ATG16L2: variants seen among roughly 807,000 people sequenced by gnomAD.
ATG16L2 encodes the protein protein Atg16l2.
A neutral mutation model predicts 84.7 loss-of-function variants in ATG16L2; 77 were observed. That is an observed-to-expected ratio of 0.91 (90% CI 0.76 to 1.10). The LOEUF (loss-of-function observed/expected upper bound fraction) is 1.10, where lower values mean the gene tolerates loss of function less well. Ranked by LOEUF, ATG16L2 falls within the 50% of genes least tolerant of loss-of-function variation. ATG16L2 has a pLI of 0.00. For missense variants in ATG16L2, 782 were observed against 817.6 expected (o/e 0.96, Z 0.53); for synonymous variants, 361 against 342.8 (o/e 1.05, Z -0.59).
chr11:72,829,585 ATC>A lies in ATG16L2; in HGVS notation c.*199_*200del. 1.7e-6 allele frequency: 2 copies of A among 1,192,502 alleles called. No homozygotes were observed. The highest frequency in any genetic ancestry group is 2.1e-6 in the Non-Finnish European group (2 of 932,138). The allele number at this position is 1,192,502 out of a possible 1,614,324, so 73.9% of individuals were successfully genotyped here. On this transcript the variant is annotated 3_prime_UTR_variant, in exon 18 of 18. Transcript: ENST00000321297. Reference sequence around the variant, plus strand: ...TACGCTAGTTTTTCTTTGTATTTTTATCTCTATCTCCTCACTTTTTCTCCCAA... The same window carrying A: ...TACGCTAGTTTTTCTTTGTATTTTTATCTATCTCCTCACTTTTTCTCCCAA...
chr11:72,819,529 G>A (rs1859860128), intron 3 of ATG16L2, among the ~76,000 whole-genome samples: 1 of 152,208 alleles, frequency 6.6e-6, no homozygotes, highest in South Asian at 2.1e-4. Context: ...CTGTCCCCAT[G>A]GTTAGTGCGC....
rs998640401 is a variant in ATG16L2 at position 72,829,453 on chromosome 11, A to G, written c.*63A>G. ...GAAGCCTGAAGCTTCCTTCGGCGCC[A>G]TGCAGGGGTTGGGGTTGGGACTGGA... On this transcript the variant is annotated 3_prime_UTR_variant, in exon 18 of 18. Coordinates refer to ENST00000321297, the MANE Select transcript of ATG16L2 (RefSeq NM_033388.2). The G allele has an allele frequency of 3.8e-6, 6 of 1,573,040 alleles. No individual in the cohort carries two copies. The South Asian group carries it at 5.7e-5, about 15-fold the overall frequency.
chr11:72,815,929 A>G (rs563103397), intron 1 of ATG16L2: 51 of 152,304 alleles, frequency 3.3e-4, no homozygotes, highest in African/African-American at 1.2e-3. Flanking sequence ...AGGACTTTCT[A>G]TTCTGGCCTG....
At chr11:72,829,078 C>T in intron 17 of ATG16L2, 94 bp downstream of exon 17, 1 of 1,329,590 alleles carries the variant, frequency 7.5e-7, no homozygotes, top group Non-Finnish European at 1.1e-6. Flanking sequence ...GTCCCCAGCC[C>T]TTGTCCCTCC....
At chr11:72,819,357 A>C (rs915084812) in intron 3 of ATG16L2, among the ~76,000 whole-genome samples, 10 of 152,118 alleles carry the variant, frequency 6.6e-5, no homozygotes, top group Non-Finnish European at 1.3e-4. Context: ...ACACTCCTTT[A>C]GCACTCCCTG....
chr11:72,837,084 T>C (rs1346981466), intron 5 of ATG16L2: 2 of 152,244 alleles, frequency 1.3e-5, no homozygotes, highest in Non-Finnish European at 1.5e-5. Context: ...AGAACTGCTC[T>C]ATTTAATAAG....
In ATG16L2 at chr11:72,822,681, T is replaced by A; in HGVS notation, c.710+138T>A. 8.3e-7 allele frequency: 1 copy of A among 1,203,266 alleles called. No individual in the cohort carries two copies. The highest frequency in any genetic ancestry group is 1.2e-6 in the Non-Finnish European group (1 of 856,236). 74.5% of individuals were successfully genotyped at this position (1,203,266 alleles called of 1,614,324 possible). ...ATGTGGTCGGAGCCCACGAGACACC[T>A]GCAGAGGACCGTGTGGTCGTAGGAG... On this transcript the variant is annotated intron_variant, in intron 6 of 17. Coordinates refer to ENST00000321297, the MANE Select transcript of ATG16L2 (RefSeq NM_033388.2). The surrounding 1 kb of genome is among the most constrained non-coding windows in gnomAD (Gnocchi z 4.2).
In ATG16L2 at chr11:72,814,539, C is replaced by A. The variant is rs753716870; in HGVS notation, c.94C>A (p.Leu32Ile). The A allele has an allele frequency of 6.3e-7, 1 of 1,577,992 alleles. No individual in the cohort carries two copies. The highest frequency in any genetic ancestry group is 1.2e-5 in the South Asian group (1 of 86,518). ...LRLRDRTQKA[L>I]FLELVPAYNH... ...GCTTCGGGACCGTACGCAAAAGGCG[C>A]TTTTCCTGGAGCTGGTGCCGGCCTG... Residue 32 changes from leucine to isoleucine, a missense_variant, in exon 1 of 18, where the codon CTT becomes ATT. Leu to Ile is a conservative substitution (Grantham distance 5). Transcript: ENST00000321297.
At chr11:72,840,871 A>G (rs1860905297) in intron 5 of ATG16L2, 1 of 1,588,278 alleles carries the variant, frequency 6.3e-7, no homozygotes, top group Non-Finnish European at 8.6e-7. Context: ...AAGATCAGAG[A>G]CTTACAGGTC....
In ATG16L2 at chr11:72,816,826, T is replaced by G. The variant is rs762673462; in HGVS notation, c.217T>G (p.Trp73Gly). The stretch of plus-strand genomic sequence containing the variant: ...CACTCCCACCACCCACCAGGGCCCC[T>G]GGTAAGTGTATGTGGGTCCGTGGTC... ...SVTPTTHQGP[W>G]EESELDSDQV... The change falls in exon 2 of 18, where the codon TGG becomes GGG. Residue 73 changes from tryptophan (W) to glycine (G), a missense_variant and splice_region_variant. Physicochemically the swap from Trp to Gly is radical, Grantham distance 184 (BLOSUM62 -2). Coordinates refer to ENST00000321297, the MANE Select transcript of ATG16L2 (RefSeq NM_033388.2). The G allele has an allele frequency of 6.2e-7, 1 of 1,613,608 alleles. No homozygotes were observed. Among genetic ancestry groups the G allele is most frequent in the Non-Finnish European group, 8.5e-7 (1 of 1,179,536 alleles).
chr11:72,824,889 G>A, intron 9 of ATG16L2, 47 bp downstream of exon 9: 2 of 1,491,916 alleles, frequency 1.3e-6, no homozygotes, highest in Middle Eastern at 1.8e-4. Flanking sequence ...GTGAGAGAGT[G>A]CAGGCACAGG....
In ATG16L2 at chr11:72,822,075, CTG is replaced by C; in HGVS notation, c.425_426del (p.Leu142ProfsTer116). Reference protein sequence around the residue: ...LAALEARVAQLREARAQQAQQ... With the variant: ...LAALEARVAQXREARAQQAQQ... ...AGCCCTGGAGGCCCGCGTGGCGCAG[CTG>C]CGAGAGGCGCGGGCGCAGCAGGCCC... is the stretch of plus-strand genomic sequence containing the variant. On this transcript the variant is annotated frameshift_variant, in exon 5 of 18. Coordinates refer to ENST00000321297, the MANE Select transcript of ATG16L2 (RefSeq NM_033388.2). LOFTEE classifies it high-confidence loss of function. This position sits in a 1 kb window ranked among gnomAD's most constrained non-coding sequence, Gnocchi z 4.2. The C allele has an allele frequency of 6.5e-7, 1 of 1,528,302 alleles. No individual in the cohort carries two copies. The highest frequency in any genetic ancestry group is 8.7e-7 in the Non-Finnish European group (1 of 1,151,752). 94.7% of individuals were successfully genotyped at this position (1,528,302 alleles called of 1,614,324 possible).
At position 72,829,428 on chromosome 11, in the gene ATG16L2, G is replaced by A. The variant is rs113187035; in HGVS notation, c.*38G>A. On this transcript the variant is annotated 3_prime_UTR_variant, in exon 18 of 18. Coordinates refer to ENST00000321297, the MANE Select transcript of ATG16L2 (RefSeq NM_033388.2). ...CCTGCCTGGGCTGGAGCTCTTGCCC[G>A]AAGCCTGAAGCTTCCTTCGGCGCCA... 2.3e-5 allele frequency: 37 copies of A among 1,594,428 alleles called. No homozygotes were observed. The African/African-American group carries it at 2.4e-4, about 10-fold the overall frequency.
At chr11:72,821,791 C>T (rs1311224648) in intron 4 of ATG16L2, 50 bp downstream of exon 4, 12 of 1,517,154 alleles carry the variant, frequency 7.9e-6, no homozygotes, top group Non-Finnish European at 9.7e-6. Context: ...CAGGGAGGCC[C>T]GGGGCCAACT....
chr11:72,824,451 C>T, intron 8 of ATG16L2: 2 of 562,026 alleles, frequency 3.6e-6, no homozygotes, highest in Non-Finnish European at 6.4e-6. Flanking sequence ...AGTCACAGAG[C>T]CAAGCAGTGG....
chr11:72,814,503 C>G lies in ATG16L2; in HGVS notation c.58C>G (p.Arg20Gly), dbSNP rs1346221433. The G allele has an allele frequency of 3.9e-6, 6 of 1,548,198 alleles. No homozygotes were observed. In the South Asian group the frequency reaches 7.2e-5, roughly 18 times the overall value. Residue 20 changes from arginine to glycine, a missense_variant, in exon 1 of 18, where the codon CGG (arginine) becomes GGG (glycine). Arg to Gly is a moderately radical substitution (Grantham distance 125). Coordinates refer to ENST00000321297, the MANE Select transcript of ATG16L2 (RefSeq NM_033388.2). ...AGCGCGCTGGAAACGCCACATCGTG[C>G]GGCAGCTGCGGCTTCGGGACCGTAC... Reference protein sequence around the residue: ...PAARWKRHIVRQLRLRDRTQK... With the variant: ...PAARWKRHIVGQLRLRDRTQK...
At chr11:72,836,450 C>T (rs1009287622) in intron 5 of ATG16L2, among the ~76,000 whole-genome samples, 2 of 152,178 alleles carry the variant, frequency 1.3e-5, no homozygotes, top group African/African-American at 4.8e-5. Context: ...TCTATGCTAT[C>T]TGCCCCTCCC....
At chr11:72,818,288 C>G in intron 3 of ATG16L2, 1 of 163,752 alleles carries the variant, frequency 6.1e-6, no homozygotes, top group Non-Finnish European at 1.4e-5. Flanking sequence ...TGCCCCTTTG[C>G]AACAGTGTCT....
chr11:72,821,451 T>C, intron 3 of ATG16L2: 1 of 1,380,350 alleles, frequency 7.2e-7, no homozygotes, highest in East Asian at 2.8e-5. Flanking sequence ...CGGCGAGGAT[T>C]GGGACCCAGG....
Sources: gnomAD v4.1 joint callset for allele counts (sites outside exome capture counted in the v4.1 genomes callset) on GRCh38, gnomAD v4.1.1 for gene constraint, Gnocchi (gnomAD v3.1) non-coding constraint, MANE v1.5 for transcripts, NCBI Gene and HGNC (gene_info 2026-07-23, HGNC 2026-07-21) for gene names.